XPO5: variants seen among roughly 807,000 people sequenced by gnomAD.
The protein encoded by XPO5 is exportin 5.
In XPO5, 46 loss-of-function variants were observed where a neutral mutation model predicts 160.6. The observed-to-expected ratio is 0.29, with a 90% confidence interval of 0.23 to 0.37. XPO5 has a LOEUF of 0.37. Ranked by LOEUF, XPO5 falls within the 10% of genes least tolerant of loss-of-function variation. XPO5 has a pLI of 1.00. For synonymous variants in XPO5, 537 were observed against 519.3 expected (o/e 1.03, Z -0.46); for missense variants, 1,090 against 1,463.9 (o/e 0.74, Z 4.17).
intron 19 of XPO5, 134 bp from the exon 20 acceptor site, chr6:43,546,886 G>C: frequency 1.1e-6 from 1 of 885,742 alleles, no homozygotes; most frequent in Non-Finnish European, 1.7e-6. Flanking sequence ...TCTGCTCCCC[G>C]GCAATCCCCC....
chr6:43,561,051 G>C, intron 9 of XPO5, 44 bp from the exon 10 acceptor site: 1 of 1,482,470 alleles, frequency 6.7e-7, no homozygotes, highest in South Asian at 1.1e-5. Flanking sequence ...ATCGAGAAAA[G>C]CAGGAGAGGA....
intron 9 of XPO5, chr6:43,561,901 A>C (rs1438913246): frequency 5.9e-6 from 1 of 170,850 alleles, no homozygotes. Flanking sequence ...AGAGTTCTTT[A>C]TTCAAGTCCA....
chr6:43,575,692 C>T, intron 1 of XPO5, 68 bp downstream of exon 1: 3 of 1,425,512 alleles, frequency 2.1e-6, no homozygotes, highest in East Asian at 2.4e-5. Flanking sequence ...CAGTTACAGG[C>T]GGCGCCGGAG....
At chr6:43,566,667 G>A (rs756712782) in intron 7 of XPO5, 9 of 422,332 alleles carry the variant, frequency 2.1e-5, no homozygotes, top group East Asian at 1.5e-4. Context: ...AAAATCAGTC[G>A]GGCATGGTGG....
intron 19 of XPO5, 196 bp downstream of exon 19, chr6:43,547,412 G>T: frequency 1.5e-6 from 1 of 671,440 alleles, no homozygotes; most frequent in Non-Finnish European, 2.7e-6. Flanking sequence ...TCATAGAAAA[G>T]ACCATCTGCT....
At position 43,528,210 on chromosome 6, in the gene XPO5, G is replaced by A; in HGVS notation, c.2776-5C>T. 6.3e-7 allele frequency: 1 copy of A among 1,588,470 alleles called. No individual in the cohort carries two copies. The highest frequency in any genetic ancestry group is 1.3e-5 in the African/African-American group (1 of 74,562). On this transcript the variant is annotated splice_polypyrimidine_tract_variant and splice_region_variant and intron_variant, in intron 24 of 31. Coordinates refer to ENST00000265351, the MANE Select transcript of XPO5 (RefSeq NM_020750.3). ...TTGCCATTTCTGAGAAAGCCTCTGGGAAAACACAAAGGAAATAAATGCTAG... is the reference window on the plus strand; with the variant it reads ...TTGCCATTTCTGAGAAAGCCTCTGGAAAAACACAAAGGAAATAAATGCTAG...
At position 43,531,579 on chromosome 6, in the gene XPO5, C is replaced by T. The variant is rs377330205; in HGVS notation, c.2444-4G>A. ...TCCAAGAGAGGTTGAGGTAATCCTA[C>T]AGGGAAATACGGGTCAAGAACATGA... On this transcript the variant is annotated splice_polypyrimidine_tract_variant and splice_region_variant and intron_variant, in intron 21 of 31. Transcript: ENST00000265351. 7 of 1,611,254 alleles carry T rather than the reference C, an allele frequency of 4.3e-6. No individual in the cohort carries two copies. Among genetic ancestry groups the T allele is most frequent in the Admixed American group, 1.7e-5 (1 of 59,982 alleles).
chr6:43,557,269 A>G (rs1165528516), intron 12 of XPO5, among the ~76,000 whole-genome samples: 1 of 151,974 alleles, frequency 6.6e-6, no homozygotes, highest in African/African-American at 2.4e-5. Flanking sequence ...TACTAAAAAC[A>G]CAAAAAATTG....
intron 1 of XPO5, 92 bp downstream of exon 1, chr6:43,575,668 G>C: frequency 8.5e-7 from 1 of 1,180,822 alleles, no homozygotes. Context: ...GGCCGCGTGG[G>C]CGGGAGACTA....
chr6:43,548,780 CAG>C (rs1382335538), intron 17 of XPO5, among the ~76,000 whole-genome samples: 1 of 150,958 alleles, frequency 6.6e-6, no homozygotes, highest in African/African-American at 2.4e-5. Context: ...GCTGTGCATT[CAG>C]AGAAGAAATT....
In XPO5 at chr6:43,558,528, C is replaced by A; in HGVS notation, c.1285G>T (p.Asp429Tyr). The A allele has an allele frequency of 6.2e-7, 1 of 1,603,958 alleles. No homozygotes were observed. ...TTGAAGAAAGCATTGAAGTCCTCAT[C>A]GCTATCAAAATCAAACCGAGAATAT... is the stretch of plus-strand genomic sequence containing the variant. ...CEYSRFDFDS[D>Y]EDFNAFFNSS... The change falls in exon 12 of 32, where the codon GAT (aspartate) becomes TAT (tyrosine). Residue 429 changes from aspartate (D) to tyrosine (Y), a missense_variant. Around this residue, in one of 3 missense-constraint regions of XPO5, gnomAD observed 810 missense variants for 1,139.0 expected, o/e 0.71. Transcript: ENST00000265351.
intron 20 of XPO5, among the ~76,000 whole-genome samples, chr6:43,540,365 G>A (rs779229078): frequency 3.3e-5 from 5 of 152,242 alleles, no homozygotes; most frequent in Non-Finnish European, 7.3e-5. Flanking sequence ...TGTAGTCCCA[G>A]CTACTTGGGA....
chr6:43,523,719 C>T lies in XPO5; in HGVS notation c.*149G>A. The T allele has an allele frequency of 1.6e-6, 2 of 1,237,660 alleles. No homozygotes were observed. The highest frequency in any genetic ancestry group is 1.7e-5 in the Admixed American group (1 of 59,556). 76.7% of individuals were successfully genotyped at this position (1,237,660 alleles called of 1,614,324 possible). On this transcript the variant is annotated 3_prime_UTR_variant, in exon 32 of 32. Coordinates refer to ENST00000265351, the MANE Select transcript of XPO5 (RefSeq NM_020750.3). ...TAATTACTTCTGGTCCTGCACAGGG[C>T]CTGTTCTCTCCAGCTCCAGACCTGG...
At chr6:43,570,415 C>G (rs1762955288) in intron 5 of XPO5, 87 bp downstream of exon 5, 13 of 1,157,866 alleles carry the variant, frequency 1.1e-5, no homozygotes, top group Non-Finnish European at 1.5e-5. Context: ...ATTTTGCTGA[C>G]CTAGACACCC....
At chr6:43,567,473 A>C in intron 6 of XPO5, 119 bp from the exon 7 acceptor site, 3 of 870,970 alleles carry the variant, frequency 3.4e-6, no homozygotes, top group Non-Finnish European at 5.0e-6. Flanking sequence ...GAATATACTC[A>C]TGTAACAGTC....
rs1793330652 is a variant in XPO5, at chr6:43,523,525, C to A, written c.*343G>T. 2.2e-6 allele frequency: 1 copy of A among 449,070 alleles called. No individual in the cohort carries two copies. Among genetic ancestry groups the A allele is most frequent in the Non-Finnish European group, 4.4e-6 (1 of 228,770 alleles). 27.8% of individuals were successfully genotyped at this position (449,070 alleles called of 1,614,324 possible). A position where few individuals can be genotyped will look rare whatever the true frequency, so the allele number is the denominator to read the frequency against. On this transcript the variant is annotated 3_prime_UTR_variant, in exon 32 of 32. Transcript: ENST00000265351. ...GGGTTGGGCACAGCACCCTTAGTTA[C>A]CATTCTGTACAGGTATGTGGCTGCA...
chr6:43,567,069 A>C, intron 7 of XPO5, 100 bp downstream of exon 7: 1 of 1,349,162 alleles, frequency 7.4e-7, no homozygotes, highest in Non-Finnish European at 9.9e-7. Flanking sequence ...AAGGAAAAAA[A>C]CCCAAACCTT....
intron 23 of XPO5, among the ~76,000 whole-genome samples, chr6:43,530,268 A>C (rs1793882207): frequency 6.6e-6 from 1 of 152,034 alleles, no homozygotes; most frequent in Admixed American, 6.6e-5. Context: ...AAAAATAGGA[A>C]TAAAAATCAG....
chr6:43,525,210 A>G lies in XPO5; in HGVS notation c.3071T>C (p.Val1024Ala), dbSNP rs1456311605. 1 of 1,572,134 alleles carries G rather than the reference A, an allele frequency of 6.4e-7. No homozygotes were observed. The highest frequency in any genetic ancestry group is 8.6e-7 in the Non-Finnish European group (1 of 1,157,710). The change falls in exon 29 of 32, where the codon GTT (valine) becomes GCT (alanine). Residue 1024 changes from valine (V) to alanine (A), a missense_variant. Physicochemically the swap from Val to Ala is moderately conservative, Grantham distance 64. Transcript: ENST00000265351. ...LGKCLMKHED[V>A]CTALLITAFN... ...GGCTGTAATTAATAGCGCTGTACAA[A>G]CATCCTGAACAGGAAAAGATGAAGA... is the stretch of plus-strand genomic sequence containing the variant.
Sources: gnomAD v4.1 joint callset for allele counts (sites outside exome capture counted in the v4.1 genomes callset) on GRCh38, gnomAD v4.1.1 for gene constraint, gnomAD v4.1.1 regional missense constraint, MANE v1.5 for transcripts, NCBI Gene and HGNC (gene_info 2026-07-23, HGNC 2026-07-21) for gene names.